VRK1: variants seen among roughly 807,000 people sequenced by gnomAD.
VRK1 encodes serine/threonine-protein kinase VRK1.
In VRK1, 33 loss-of-function variants were observed where a neutral mutation model predicts 57.1. The observed-to-expected ratio is 0.58, with a 90% CI of 0.44 to 0.77. VRK1 has a LOEUF of 0.77. Among genes scored for constraint, VRK1 ranks in the 30% least tolerant of loss-of-function variants. The pLI is 0.00. For missense variants in VRK1, 413 were observed against 477.3 expected (o/e 0.87, Z 1.25); for synonymous variants, 137 against 147.8 (o/e 0.93, Z 0.53).
intron 12 of VRK1, among the ~76,000 whole-genome samples, chr14:96,880,733 CT>C (rs1889228182): frequency 6.6e-6 from 1 of 152,166 alleles, no homozygotes; most frequent in Admixed American, 6.6e-5. Flanking sequence ...AGCTAATAGT[CT>C]TTAAAAAGCA....
intron 1 of VRK1, among the ~76,000 whole-genome samples, chr14:96,831,227 G>A (rs1260084064): frequency 6.6e-6 from 1 of 152,178 alleles, no homozygotes; most frequent in Non-Finnish European, 1.5e-5. Context: ...GTCATGGTCT[G>A]TCTTCACCTG....
intron 1 of VRK1, among the ~76,000 whole-genome samples, chr14:96,813,307 T>C (rs1328592269): frequency 6.6e-6 from 1 of 152,182 alleles, no homozygotes; most frequent in African/African-American, 2.4e-5. Context: ...AGTAGTTGAT[T>C]TTGTTTGGGT....
At chr14:96,847,417 T>A in intron 5 of VRK1, 73 bp downstream of exon 5, 13 of 1,193,562 alleles carry the variant, frequency 1.1e-5, no homozygotes, top group Non-Finnish European at 1.6e-5. Context: ...TAGTCAGTAA[T>A]TATTTACTGA....
intron 11 of VRK1, among the ~76,000 whole-genome samples, chr14:96,862,530 G>T (rs1185403530): frequency 2.9e-5 from 4 of 139,972 alleles, no homozygotes; most frequent in African/African-American, 7.9e-5. Context: ...TTTTTGTAAA[G>T]TGAAAGAACT....
At chr14:96,828,723 T>A (rs1333487406) in intron 1 of VRK1, among the ~76,000 whole-genome samples, 2 of 152,172 alleles carry the variant, frequency 1.3e-5, no homozygotes, top group African/African-American at 4.8e-5. Flanking sequence ...TAGCTCTATA[T>A]GAGTATGTGG....
intron 2 of VRK1, among the ~76,000 whole-genome samples, chr14:96,834,158 A>G (rs2139750237): frequency 6.6e-6 from 1 of 152,200 alleles, no homozygotes; most frequent in East Asian, 1.9e-4. Context: ...CCGTTGTGGA[A>G]TCCTGAAATT....
chr14:96,799,964 T>TA (rs1324252400), intron 1 of VRK1, among the ~76,000 whole-genome samples: 1 of 149,436 alleles, frequency 6.7e-6, no homozygotes, highest in Non-Finnish European at 1.5e-5. Flanking sequence ...TTTTTTTTTT[T>TA]AACTTTATCT....
At chr14:96,860,934 A>C (rs1888366927) in intron 11 of VRK1, 199 bp downstream of exon 11, 1 of 436,826 alleles carries the variant, frequency 2.3e-6, no homozygotes, top group East Asian at 4.0e-5. Flanking sequence ...GTTTAGTAGC[A>C]AGTTACTAAA....
At chr14:96,809,450 C>G (rs1003478306) in intron 1 of VRK1, among the ~76,000 whole-genome samples, 1 of 151,794 alleles carries the variant, frequency 6.6e-6, no homozygotes, top group Admixed American at 6.6e-5. Context: ...TAATCATATA[C>G]TTATGTATAT....
chr14:96,838,389 C>T (rs748026473), intron 3 of VRK1, among the ~76,000 whole-genome samples: 9 of 152,136 alleles, frequency 5.9e-5, no homozygotes, highest in Middle Eastern at 3.4e-3. Flanking sequence ...TATATGTTGG[C>T]GAACTAGAAG....
chr14:96,856,757 A>G (rs533352141), intron 10 of VRK1, among the ~76,000 whole-genome samples, 171 bp downstream of exon 10: 2 of 152,162 alleles, frequency 1.3e-5, no homozygotes, highest in African/African-American at 4.8e-5. Flanking sequence ...TCACGAGGTC[A>G]GGAGATCAAG....
At chr14:96,835,080 G>A (rs1887163404) in intron 2 of VRK1, among the ~76,000 whole-genome samples, 1 of 151,966 alleles carries the variant, frequency 6.6e-6, no homozygotes, top group Admixed American at 6.6e-5. Context: ...TTTTTAATAG[G>A]CAATGATTTG....
At chr14:96,875,841 C>G (rs1889005775) in intron 11 of VRK1, among the ~76,000 whole-genome samples, 189 bp from the exon 12 acceptor site, 1 of 152,118 alleles carries the variant, frequency 6.6e-6, no homozygotes, top group African/African-American at 2.4e-5. Flanking sequence ...CTTGTACTCC[C>G]CCTTTCTTCC....
intron 3 of VRK1, among the ~76,000 whole-genome samples, chr14:96,844,115 T>G (rs1887577902): frequency 6.6e-6 from 1 of 152,204 alleles, no homozygotes; most frequent in African/African-American, 2.4e-5. Context: ...TTACCAGAAT[T>G]TCTCCTTTTG....
At chr14:96,878,714 CAAG>C (rs1196622705) in intron 12 of VRK1, among the ~76,000 whole-genome samples, 2 of 152,072 alleles carry the variant, frequency 1.3e-5, no homozygotes, top group Admixed American at 1.3e-4. Context: ...GGATGGTTTT[CAAG>C]AAGAACAGAG....
intron 5 of VRK1, among the ~76,000 whole-genome samples, chr14:96,851,522 G>A (rs1053161483): frequency 3.9e-5 from 6 of 152,138 alleles, no homozygotes; most frequent in Non-Finnish European, 7.4e-5. Context: ...AAGATGTTTA[G>A]ACAAGATGAT....
intron 1 of VRK1, among the ~76,000 whole-genome samples, chr14:96,804,433 A>T (rs879344773): frequency 2.0e-5 from 3 of 152,220 alleles, no homozygotes; most frequent in Non-Finnish European, 4.4e-5. Flanking sequence ...GTCTGGAAAA[A>T]GTGGGAAAAC....
intron 1 of VRK1, among the ~76,000 whole-genome samples, chr14:96,832,774 AC>A (rs539261646): frequency 0.014 from 2,130 of 152,308 alleles, 54 homozygotes; most frequent in African/African-American, 0.048. Context: ...TGATTAAGCC[AC>A]AGTTTTTCCT....
intron 1 of VRK1, among the ~76,000 whole-genome samples, chr14:96,821,472 T>C (rs1886594379): frequency 6.6e-6 from 1 of 152,200 alleles, no homozygotes; most frequent in South Asian, 2.1e-4. Context: ...ACCAGAACTC[T>C]TAGGTTATTC....
Sources: allele counts gnomAD v4.1 joint callset (sites outside exome capture counted in the v4.1 genomes callset), GRCh38; gene constraint gnomAD v4.1.1; transcripts MANE v1.5; gene names NCBI Gene and HGNC (gene_info 2026-07-23, HGNC 2026-07-21).